ADAMTSL1: variants seen among roughly 807,000 people sequenced by gnomAD.
ADAMTSL1 encodes the protein ADAMTS like 1.
A neutral mutation model predicts 201.8 loss-of-function variants in ADAMTSL1; 126 were observed. The ratio of observed to expected loss-of-function variants is 0.62; its 90% confidence interval spans 0.54 to 0.72. The LOEUF is 0.72. Ranked by LOEUF, ADAMTSL1 falls within the 30% of genes least tolerant of loss-of-function variation. The pLI is 0.00. For missense variants in ADAMTSL1, 2,679 were observed against 2,277.8 expected (o/e 1.18, Z -3.59); for synonymous variants, 1,121 against 903.4 (o/e 1.24, Z -4.32).
At chr9:18,848,759 C>A (rs79164789) in intron 23 of ADAMTSL1, among the ~76,000 whole-genome samples, 3,609 of 152,216 alleles carry the variant, frequency 0.024, 76 homozygotes, top group South Asian at 0.088. Flanking sequence ...GCTATAAGGC[C>A]CCTGTTGCGG....
At chr9:17,956,182 C>T (rs1461691276) in intron 1 of ADAMTSL1, among the ~76,000 whole-genome samples, 2 of 152,086 alleles carry the variant, frequency 1.3e-5, no homozygotes, top group Non-Finnish European at 2.9e-5. Context: ...CCTTGTAGTG[C>T]TTTTTGAAGT....
rs530699191 is a variant in ADAMTSL1 at position 18,809,512 on chromosome 9, G to A, written c.3806-7597G>A. Among the ~76,000 whole-genome samples, 16 of 152,288 alleles carry A rather than the reference G, an allele frequency of 1.1e-4. No individual in the cohort carries two copies. The East Asian group carries it at 1.4e-3, about 13-fold the overall frequency. On this transcript the variant is annotated intron_variant, in intron 20 of 28. Coordinates refer to ENST00000380548, the MANE Select transcript of ADAMTSL1 (RefSeq NM_001040272.6). ...TGGTCATGAAAAGGAGCTTGAGGCC[G>A]GGCATGGTGGCTCACTCCTGTAATC...
In ADAMTSL1 at chr9:18,853,918, T is replaced by TGTGTGTGCGCGC. The variant is rs139332733; in HGVS notation, c.4249+23942_4249+23943insTGTGTGCGCGCG. On this transcript the variant is annotated intron_variant, in intron 23 of 28. Coordinates refer to ENST00000380548, the MANE Select transcript of ADAMTSL1 (RefSeq NM_001040272.6). ...GTGTGTGTGTGTGTGTGTGTGTGTG[T>TGTGTGTGCGCGC]GCGCGTGCATGCAAATAGTTGATTA... 7.1e-4 allele frequency among the ~76,000 whole-genome samples: 104 copies of TGTGTGTGCGCGC among 145,478 alleles called. No homozygotes were observed. In the Middle Eastern group the frequency reaches 0.014, roughly 19 times the overall value.
At chr9:18,369,736 T>C (rs531624903) in intron 2 of ADAMTSL1, among the ~76,000 whole-genome samples, 1 of 152,270 alleles carries the variant, frequency 6.6e-6, no homozygotes, top group South Asian at 2.1e-4. Flanking sequence ...AGCAGAGTCA[T>C]GGAATCAACC....
chr9:18,904,275 C>T (rs1258422189), intron 26 of ADAMTSL1, among the ~76,000 whole-genome samples: 1 of 152,068 alleles, frequency 6.6e-6, no homozygotes, highest in Non-Finnish European at 1.5e-5. Context: ...TCAAAACCAG[C>T]CTGACCAACA....
At chr9:18,368,191 A>G (rs1836866416) in intron 2 of ADAMTSL1, among the ~76,000 whole-genome samples, 1 of 152,130 alleles carries the variant, frequency 6.6e-6, no homozygotes, top group African/African-American at 2.4e-5. Flanking sequence ...CTGCGATTAC[A>G]GGCGTGAGCC....
At chr9:18,036,191 T>G (rs909195127) in intron 1 of ADAMTSL1, among the ~76,000 whole-genome samples, 2 of 152,152 alleles carry the variant, frequency 1.3e-5, no homozygotes, top group Non-Finnish European at 2.9e-5. Flanking sequence ...CATTACTGGT[T>G]GAAGGAATTG....
At chr9:18,549,046 T>C (rs1820639929) in intron 3 of ADAMTSL1, among the ~76,000 whole-genome samples, 1 of 151,908 alleles carries the variant, frequency 6.6e-6, no homozygotes, top group Non-Finnish European at 1.5e-5. Context: ...ATAGGAGTGT[T>C]CAATGAGAAG....
chr9:18,584,435 G>C (rs150238550), intron 4 of ADAMTSL1, among the ~76,000 whole-genome samples: 1 of 152,016 alleles, frequency 6.6e-6, no homozygotes, highest in Non-Finnish European at 1.5e-5. Flanking sequence ...TCAGTCTCAG[G>C]TATGTCTTTA....
chr9:18,146,514 G>A lies in ADAMTSL1; in HGVS notation c.88-17348G>A, dbSNP rs373522964. 4.6e-5 allele frequency among the ~76,000 whole-genome samples: 7 copies of A among 152,142 alleles called. No homozygotes were observed. The East Asian group carries it at 5.8e-4, about 13-fold the overall frequency. On this transcript the variant is annotated intron_variant, in intron 1 of 29. Coordinates refer to the ADAMTSL1 transcript ENST00000680146. ...TCTGATTTTATGACATTTTGGGAAA[G>A]GCAAAACTGGATAGATCAATAGTTG... is the stretch of plus-strand genomic sequence containing the variant.
chr9:18,612,044 A>G (rs1200999413), intron 4 of ADAMTSL1, among the ~76,000 whole-genome samples: 1 of 152,204 alleles, frequency 6.6e-6, no homozygotes, highest in African/African-American at 2.4e-5. Context: ...GATCAAGTAC[A>G]AAGTGAATCT....
intron 23 of ADAMTSL1, among the ~76,000 whole-genome samples, chr9:18,881,413 C>T (rs904278545): frequency 6.6e-6 from 1 of 152,184 alleles, no homozygotes. Flanking sequence ...TTTAATATTG[C>T]TGCATCTCAG....
At chr9:18,624,787 C>A (rs1373450358) in intron 5 of ADAMTSL1, among the ~76,000 whole-genome samples, 2 of 152,112 alleles carry the variant, frequency 1.3e-5, no homozygotes, top group African/African-American at 4.8e-5. Context: ...ATATCATCTC[C>A]AAGTCTGCAA....
chr9:18,327,975 A>G (rs994195202), intron 2 of ADAMTSL1, among the ~76,000 whole-genome samples: 17 of 152,180 alleles, frequency 1.1e-4, no homozygotes, highest in Non-Finnish European at 2.1e-4. Context: ...GTTTTAAAGT[A>G]ACATATACTC....
chr9:18,196,313 G>A lies in ADAMTSL1; in HGVS notation c.207+32332G>A, dbSNP rs1015673485. Reference sequence around the variant, plus strand: ...TTTGCATTTTAAGGCATACGTGTATGTGTGTGTGTGTGTGTTTATTCCTTA... The same window carrying A: ...TTTGCATTTTAAGGCATACGTGTATATGTGTGTGTGTGTGTTTATTCCTTA... On this transcript the variant is annotated intron_variant, in intron 2 of 29. Transcript: ENST00000680146. Among the ~76,000 whole-genome samples, 99 of 151,388 alleles carry A rather than the reference G, an allele frequency of 6.5e-4. 1 individual carries two copies. Among genetic ancestry groups the A allele is most frequent in the Non-Finnish European group, 2.1e-4 (14 of 67,758 alleles).
At chr9:18,361,707 C>G (rs1017264938) in intron 2 of ADAMTSL1, among the ~76,000 whole-genome samples, 1 of 152,128 alleles carries the variant, frequency 6.6e-6, no homozygotes, top group African/African-American at 2.4e-5. Context: ...CAGAGAAAGA[C>G]TCTAGTGCTG....
chr9:18,537,391 T>A (rs1405234043), intron 3 of ADAMTSL1, among the ~76,000 whole-genome samples: 1 of 152,146 alleles, frequency 6.6e-6, no homozygotes, highest in African/African-American at 2.4e-5. Context: ...GGACAGCTAG[T>A]GCAAAGGCTG....
chr9:18,727,197 A>G (rs1817945173), intron 15 of ADAMTSL1, among the ~76,000 whole-genome samples: 1 of 152,342 alleles, frequency 6.6e-6, no homozygotes, highest in East Asian at 1.9e-4. Flanking sequence ...TATTTGATGG[A>G]GCTTTCAAAG....
intron 1 of ADAMTSL1, among the ~76,000 whole-genome samples, chr9:18,146,594 T>C (rs1010170797): frequency 3.9e-5 from 6 of 152,110 alleles, no homozygotes; most frequent in Non-Finnish European, 8.8e-5. Flanking sequence ...AGGGGACTTT[T>C]TAGAGTGGTG....
Sources: gnomAD v4.1 joint callset for allele counts (sites outside exome capture counted in the v4.1 genomes callset) on GRCh38, gnomAD v4.1.1 for gene constraint, MANE v1.5 for transcripts, NCBI Gene and HGNC (gene_info 2026-07-23, HGNC 2026-07-21) for gene names.